ATAD5: variants seen among roughly 807,000 people sequenced by gnomAD.
ATAD5 encodes ATPase family AAA domain-containing protein 5.
In ATAD5, 58 loss-of-function variants were observed where a neutral mutation model predicts 176.9. The observed-to-expected ratio is 0.33, with a 90% CI of 0.27 to 0.41. The LOEUF (loss-of-function observed/expected upper bound fraction) is 0.41, where lower values mean the gene tolerates loss of function less well. Ranked by LOEUF, ATAD5 falls within the 10% of genes least tolerant of loss-of-function variation. ATAD5 has a pLI of 1.00. For missense variants in ATAD5, 1,789 were observed against 2,094.1 expected (o/e 0.85, Z 2.84); for synonymous variants, 640 against 712.6 (o/e 0.90, Z 1.62).
intron 17 of ATAD5, 29 bp downstream of exon 17, chr17:30,878,125 AAC>A (rs780161214): frequency 8.3e-6 from 12 of 1,440,930 alleles, no homozygotes; most frequent in African/African-American, 5.7e-5. Flanking sequence ...ACTTCAGTTA[AAC>A]AGTTACTCAA....
intron 17 of ATAD5, 87 bp from the exon 18 acceptor site, chr17:30,879,336 T>C: frequency 2.0e-6 from 3 of 1,488,594 alleles, no homozygotes; most frequent in Non-Finnish European, 2.8e-6. Context: ...TGCTGAATAT[T>C]TTCATAGAAA....
Position 30,879,814 on chromosome 17 carries a change from G to A in ATAD5, c.4077+327G>A, listed in dbSNP as rs113107724. 5.1e-3 allele frequency among the ~76,000 whole-genome samples: 782 copies of A among 151,958 alleles called. 13 individuals are homozygous for A. The highest frequency in any genetic ancestry group is 0.018 in the African/African-American group (734 of 41,464). On this transcript the variant is annotated intron_variant, in intron 18 of 22. Transcript: ENST00000321990. ...CCTGACCTTGTGATCTGCCCGCCTCGGCCTCCCAAAGTGCTGGGATTACAG... is the reference window on the plus strand; with the variant it reads ...CCTGACCTTGTGATCTGCCCGCCTCAGCCTCCCAAAGTGCTGGGATTACAG...
At chr17:30,875,235 T>C (rs1217206898) in intron 14 of ATAD5, among the ~76,000 whole-genome samples, 1 of 152,080 alleles carries the variant, frequency 6.6e-6, no homozygotes, top group African/African-American at 2.4e-5. Flanking sequence ...GAAGAGAGGA[T>C]GTATTATGTG....
rs11445925 is a variant in ATAD5 at position 30,854,369 on chromosome 17, A to ATTT, written c.2451-756_2451-754dup. Among the ~76,000 whole-genome samples the ATTT allele has an allele frequency of 8.3e-4, 101 of 120,996 alleles. 1 individual carries two copies. The highest frequency in any genetic ancestry group is 1.2e-3 in the South Asian group (5 of 4,174). The allele number at this position is 120,996 out of a possible 152,430, so 79.4% of individuals were successfully genotyped here. ...AATACATTTTATTAAATTAATTTAA[A>ATTT]TTTTTTTTTTTTTTTTTTTTGAGAT... is the stretch of plus-strand genomic sequence containing the variant. On this transcript the variant is annotated intron_variant, in intron 6 of 22. Coordinates refer to ENST00000321990, the MANE Select transcript of ATAD5 (RefSeq NM_024857.5).
intron 11 of ATAD5, 104 bp downstream of exon 11, chr17:30,865,904 T>C: frequency 1.7e-6 from 1 of 590,394 alleles, no homozygotes; most frequent in Non-Finnish European, 2.7e-6. Context: ...TGATAAAATC[T>C]TCAAAAAACT....
chr17:30,876,550 G>T lies in ATAD5; in HGVS notation c.3784G>T (p.Gly1262Ter). The T allele has an allele frequency of 6.6e-7, 1 of 1,524,818 alleles. No individual in the cohort carries two copies. The highest frequency in any genetic ancestry group is 8.9e-7 in the Non-Finnish European group (1 of 1,119,418). 94.5% of individuals were successfully genotyped at this position (1,524,818 alleles called of 1,614,324 possible). ...EIGMLLENNKGIKNSFEQKQI... is the reference protein window; with the variant it reads ...EIGMLLENNK ...AGGAATGCTTCTGGAAAATAATAAA[G>T]GTAAGACATTAAATTGACAAATTTT... Residue 1262 changes from glycine to a stop codon, truncating the protein, a stop_gained and splice_region_variant, in exon 15 of 23, where the codon GGA (glycine) becomes TGA (stop). Transcript: ENST00000321990. LOFTEE classifies it high-confidence loss of function.
At chr17:30,877,623 T>C in intron 16 of ATAD5, 74 bp downstream of exon 16, 1 of 1,458,224 alleles carries the variant, frequency 6.9e-7, no homozygotes, top group South Asian at 1.3e-5. Flanking sequence ...TATGTTTTCT[T>C]ATAAAGAATT....
intron 7 of ATAD5, 48 bp downstream of exon 7, chr17:30,855,375 G>A: frequency 6.7e-7 from 1 of 1,495,812 alleles, no homozygotes; most frequent in Non-Finnish European, 9.0e-7. Flanking sequence ...GCTGTTAGCA[G>A]GAACATTAAA....
rs1906205432 is a variant in ATAD5, at chr17:30,842,735, AG to A, written c.2242-1176del. On this transcript the variant is annotated intron_variant, in intron 4 of 22. Coordinates refer to ENST00000321990, the MANE Select transcript of ATAD5 (RefSeq NM_024857.5). ...TAAAAATTTTCTGCATATGAATACC[AG>A]GTCATATGTTAGTTGCTTTATTTTT... Among the ~76,000 whole-genome samples, 4 of 152,068 alleles carry A rather than the reference AG, an allele frequency of 2.6e-5. No homozygotes were observed. The South Asian group carries it at 8.3e-4, about 31-fold the overall frequency.
At chr17:30,887,120 A>G in intron 18 of ATAD5, 72 bp from the exon 19 acceptor site, 1 of 1,315,942 alleles carries the variant, frequency 7.6e-7, no homozygotes. Flanking sequence ...ACTTTTAGAT[A>G]CTATTTGTAT....
chr17:30,849,857 A>G (rs577342293), intron 6 of ATAD5, among the ~76,000 whole-genome samples: 1 of 152,340 alleles, frequency 6.6e-6, no homozygotes, highest in East Asian at 1.9e-4. Flanking sequence ...GAAAAATTTG[A>G]AGGCCTCTAC....
intron 1 of ATAD5, among the ~76,000 whole-genome samples, chr17:30,833,893 G>A (rs1032427910): frequency 4.6e-5 from 7 of 152,094 alleles, no homozygotes; most frequent in African/African-American, 1.4e-4. Flanking sequence ...CGTTGGCCAG[G>A]CTGGTCTCGA....
At chr17:30,891,507 G>T (rs1909635498) in intron 19 of ATAD5, among the ~76,000 whole-genome samples, 1 of 144,328 alleles carries the variant, frequency 6.9e-6, no homozygotes, top group Non-Finnish European at 1.5e-5. Context: ...AAGTAGCTGG[G>T]ATTACAGGCA....
intron 6 of ATAD5, among the ~76,000 whole-genome samples, chr17:30,847,288 G>A (rs1906566347): frequency 6.6e-6 from 1 of 151,766 alleles, no homozygotes; most frequent in Non-Finnish European, 1.5e-5. Flanking sequence ...CTTTTTCGTA[G>A]TTAAGTAGTA....
chr17:30,845,297 T>C (rs189624270), intron 6 of ATAD5, among the ~76,000 whole-genome samples: 1 of 152,306 alleles, frequency 6.6e-6, no homozygotes, highest in East Asian at 1.9e-4. Context: ...AGATGGTCTA[T>C]GATTAAACAT....
intron 18 of ATAD5, among the ~76,000 whole-genome samples, chr17:30,884,812 A>G (rs952600177): frequency 1.4e-5 from 2 of 144,672 alleles, no homozygotes; most frequent in East Asian, 2.0e-4. Context: ...CAGTGGTGCA[A>G]TCTCGGCTCA....
chr17:30,880,504 AGGC>A (rs1375506091), intron 18 of ATAD5, among the ~76,000 whole-genome samples: 2 of 151,548 alleles, frequency 1.3e-5, no homozygotes, highest in East Asian at 3.9e-4. Context: ...GCTACTTGGG[AGGC>A]TGTGGCAGGA....
At chr17:30,870,195 T>G (rs1265373321) in intron 14 of ATAD5, among the ~76,000 whole-genome samples, 1 of 152,262 alleles carries the variant, frequency 6.6e-6, no homozygotes, top group East Asian at 1.9e-4. Flanking sequence ...TTTCAAATGA[T>G]TTGTTCAAAT....
At position 30,832,162 on chromosome 17, in the gene ATAD5, C is replaced by A; in HGVS notation, c.-186C>A. On this transcript the variant is annotated 5_prime_UTR_variant, in exon 1 of 23. Coordinates refer to ENST00000321990, the MANE Select transcript of ATAD5 (RefSeq NM_024857.5). ...CTTTCTCATTGCCTCTTTCCGTGTT[C>A]GATTCGGCTGATCTGGGCCCAGCCT... 2.4e-6 allele frequency: 1 copy of A among 411,556 alleles called. No individual in the cohort carries two copies. Among genetic ancestry groups the A allele is most frequent in the South Asian group, 9.1e-5 (1 of 11,018 alleles). 25.5% of individuals were successfully genotyped at this position (411,556 alleles called of 1,614,324 possible). A position where few individuals can be genotyped will look rare whatever the true frequency, so the allele number is the denominator to read the frequency against.
Sources: gnomAD v4.1 joint callset for allele counts (sites outside exome capture counted in the v4.1 genomes callset) on GRCh38, gnomAD v4.1.1 for gene constraint, MANE v1.5 for transcripts, NCBI Gene and HGNC (gene_info 2026-07-23, HGNC 2026-07-21) for gene names.